ZEB2: variants seen among roughly 807,000 people sequenced by gnomAD.
ZEB2 encodes the protein zinc finger E-box binding homeobox 2.
ZEB2 carries 6 observed loss-of-function variants against 99.9 expected under a neutral mutation model. The ratio of observed to expected loss-of-function variants is 0.06; its 90% CI spans 0.03 to 0.12. The LOEUF is 0.12. Among genes scored for constraint, ZEB2 ranks in the 10% least tolerant of loss-of-function variants. The pLI, the probability that ZEB2 is intolerant of heterozygous loss-of-function variation, is 1.00. For synonymous variants in ZEB2, 517 were observed against 542.5 expected, an observed-to-expected ratio of 0.95 and a Z score of 0.65; for missense variants, 969 against 1,502.8, an observed-to-expected ratio of 0.64 and a Z score of 5.87.
intron 5 of ZEB2, 147 bp downstream of exon 5, chr2:144,404,689 A>G: frequency 9.0e-7 from 1 of 1,112,044 alleles, no homozygotes; most frequent in Non-Finnish European, 1.3e-6. Context: ...ATACCCTAAA[A>G]TTACAGTTCT....
chr2:144,461,103 T>TC (rs1396823312), intron 2 of ZEB2: 4 of 150,944 alleles, frequency 2.6e-5, no homozygotes, highest in South Asian at 4.2e-4. Context: ...CTTTTTCTTT[T>TC]TTTTTTTTAT....
At chr2:144,404,498 G>A (rs1057030247) in intron 5 of ZEB2, among the ~76,000 whole-genome samples, 1 of 151,938 alleles carries the variant, frequency 6.6e-6, no homozygotes, top group African/African-American at 2.4e-5. Context: ...TTCAGGTGTC[G>A]GTGGAGAAGA....
intron 6 of ZEB2, among the ~76,000 whole-genome samples, chr2:144,402,227 T>C (rs151077338): frequency 8.8e-4 from 134 of 152,286 alleles, no homozygotes; most frequent in Middle Eastern, 3.4e-3. Context: ...AGTCATCCAC[T>C]CTGGATGCTC....
chr2:144,422,642 A>C (rs1377960004), intron 4 of ZEB2, among the ~76,000 whole-genome samples: 1 of 152,204 alleles, frequency 6.6e-6, no homozygotes, highest in Admixed American at 6.5e-5. Flanking sequence ...TCTACTAGAA[A>C]TACAAAAATT....
At chr2:144,406,066 T>G (rs572559616) in intron 4 of ZEB2, among the ~76,000 whole-genome samples, 1 of 152,348 alleles carries the variant, frequency 6.6e-6, no homozygotes, top group African/African-American at 2.4e-5. Context: ...TGCCACGAGA[T>G]TCTTCACCTT....
chr2:144,507,605 CAA>C (rs72179359), intron 2 of ZEB2, among the ~76,000 whole-genome samples: 32,806 of 152,084 alleles, frequency 0.22, 4,043 homozygotes, highest in East Asian at 0.4. Flanking sequence ...CCTGCTCTTC[CAA>C]AGTCTGGTTT....
At chr2:144,419,520 G>T (rs183620588) in intron 4 of ZEB2, among the ~76,000 whole-genome samples, 1 of 152,180 alleles carries the variant, frequency 6.6e-6, no homozygotes, top group Non-Finnish European at 1.5e-5. Flanking sequence ...TGATATGCAC[G>T]TGGAACTGCA....
intron 2 of ZEB2, among the ~76,000 whole-genome samples, chr2:144,477,633 C>T (rs1704448450): frequency 6.6e-6 from 1 of 152,186 alleles, no homozygotes; most frequent in African/African-American, 2.4e-5. Context: ...TCTATGGTCA[C>T]TTTCATTTCC....
At chr2:144,505,720 T>C (rs1226993247) in intron 2 of ZEB2, among the ~76,000 whole-genome samples, 2 of 152,142 alleles carry the variant, frequency 1.3e-5, no homozygotes, top group Non-Finnish European at 2.9e-5. Flanking sequence ...CATAGCAGTT[T>C]GACAGCACAA....
chr2:144,443,901 T>C (rs905096321), intron 2 of ZEB2, among the ~76,000 whole-genome samples: 1 of 152,120 alleles, frequency 6.6e-6, no homozygotes, highest in Non-Finnish European at 1.5e-5. Flanking sequence ...GGACTCATCA[T>C]TTGAGGTCTT....
intron 2 of ZEB2, among the ~76,000 whole-genome samples, chr2:144,480,624 C>A (rs548559133): frequency 9.7e-4 from 148 of 151,972 alleles, no homozygotes; most frequent in Admixed American, 1.7e-3. Context: ...AGTGGCAGCT[C>A]CCTTATAAAT....
chr2:144,389,695 C>T lies in ZEB2; in HGVS notation c.3401G>A (p.Gly1134Asp). The T allele has an allele frequency of 6.2e-7, 1 of 1,614,018 alleles. No homozygotes were observed. The highest frequency in any genetic ancestry group is 8.5e-7 in the Non-Finnish European group (1 of 1,179,944). ...TTTCTCGTGCTCCTTCTCGCTCTCG[C>T]CATCCCTCGGCATACTCTCCCTCTC... ...SEERESMPRD[G>D]ESEKEHEKEG... is the part of the protein sequence containing the mutation. Residue 1134 changes from glycine (G) to aspartate (D), a missense_variant, in exon 10 of 10, where the codon GGC (glycine) becomes GAC (aspartate). Gly to Asp is a moderately conservative substitution (Grantham distance 94). Around this residue, in one of 8 missense-constraint regions of ZEB2, gnomAD observed 121 missense variants for 166.4 expected, o/e 0.73. Coordinates refer to ENST00000627532, the MANE Select transcript of ZEB2 (RefSeq NM_014795.4). The surrounding 1 kb of genome is among the most constrained non-coding windows in gnomAD (Gnocchi z 6.8).
At chr2:144,457,944 A>G (rs1560632477) in intron 2 of ZEB2, among the ~76,000 whole-genome samples, 1 of 152,178 alleles carries the variant, frequency 6.6e-6, no homozygotes. Flanking sequence ...AATTAAAAAT[A>G]CCATTCTTTT....
At chr2:144,515,192 T>A (rs1034054747) in intron 2 of ZEB2, among the ~76,000 whole-genome samples, 1 of 147,826 alleles carries the variant, frequency 6.8e-6, no homozygotes, top group Non-Finnish European at 1.5e-5. Flanking sequence ...TCTCATTCTC[T>A]TTTTCTCTCA....
intron 2 of ZEB2, among the ~76,000 whole-genome samples, chr2:144,493,796 T>C (rs901249165): frequency 6.6e-6 from 1 of 152,200 alleles, no homozygotes; most frequent in Non-Finnish European, 1.5e-5. Flanking sequence ...ACCTCTCTTA[T>C]GGCTGCTGTC....
intron 2 of ZEB2, among the ~76,000 whole-genome samples, chr2:144,506,832 T>TA (rs975031481): frequency 1.3e-5 from 2 of 152,094 alleles, no homozygotes; most frequent in Non-Finnish European, 2.9e-5. Context: ...TGAGTTATTA[T>TA]AAAAAAATAA....
intron 2 of ZEB2, among the ~76,000 whole-genome samples, chr2:144,472,830 T>C (rs1408019710): frequency 9.2e-6 from 1 of 109,016 alleles, no homozygotes; most frequent in Non-Finnish European, 2.0e-5. Context: ...CAGAAGAGCT[T>C]ACCTCCAAAA....
intron 2 of ZEB2, among the ~76,000 whole-genome samples, chr2:144,441,007 C>G (rs1054536575): frequency 6.7e-6 from 1 of 148,908 alleles, no homozygotes; most frequent in Admixed American, 6.8e-5. Flanking sequence ...AGTCCAACAA[C>G]AAGTGTCCTC....
chr2:144,517,124 C>G (rs1277718671), intron 2 of ZEB2, among the ~76,000 whole-genome samples, 154 bp downstream of exon 2: 1 of 150,574 alleles, frequency 6.6e-6, no homozygotes, highest in Non-Finnish European at 1.5e-5. Flanking sequence ...CCGCGCGCGC[C>G]GGGCTCCGGC....
Sources: allele counts gnomAD v4.1 joint callset (sites outside exome capture counted in the v4.1 genomes callset), GRCh38; gene constraint gnomAD v4.1.1; regional missense constraint gnomAD v4.1.1; non-coding constraint Gnocchi (gnomAD v3.1); transcripts MANE v1.5; gene names NCBI Gene and HGNC (gene_info 2026-07-23, HGNC 2026-07-21).